RGS7: variants seen among roughly 807,000 people sequenced by gnomAD.
The protein encoded by RGS7 is regulator of G protein signaling 7.
RGS7 carries 27 observed loss-of-function variants against 81.1 expected under a neutral mutation model. That is an observed-to-expected ratio of 0.33 (90% CI 0.25 to 0.46). The LOEUF is 0.46. RGS7 is among the 20% of genes least tolerant of loss of function. The pLI, the probability that RGS7 is intolerant of heterozygous loss-of-function variation, is 1.00. For missense variants in RGS7, 396 were observed against 607.4 expected, an observed-to-expected ratio of 0.65 and a Z score of 3.66; for synonymous variants, 208 against 207.7, an observed-to-expected ratio of 1.00 and a Z score of -0.01.
In RGS7 at chr1:240,862,204, G is replaced by A. The variant is rs116840233; in HGVS notation, c.609+6383C>T. 2.2e-3 allele frequency among the ~76,000 whole-genome samples: 330 copies of A among 152,066 alleles called. 1 individual carries two copies. Among genetic ancestry groups the A allele is most frequent in the African/African-American group, 7.5e-3 (312 of 41,482 alleles). ...CTTAGGAGGCTAACTTTATTTTATA[G>A]AGATATTAAGTACTAGAATGATTAT... On this transcript the variant is annotated intron_variant, in intron 9 of 18. Coordinates refer to ENST00000440928, the MANE Select transcript of RGS7 (RefSeq NM_001364886.1).
At chr1:241,280,311 G>C (rs2078430562) in intron 2 of RGS7, among the ~76,000 whole-genome samples, 2 of 152,128 alleles carry the variant, frequency 1.3e-5, no homozygotes, top group Non-Finnish European at 2.9e-5. Flanking sequence ...GGCCAGAAGA[G>C]GGGAATGGAA....
intron 9 of RGS7, among the ~76,000 whole-genome samples, chr1:240,847,478 T>G (rs785978): frequency 6.6e-6 from 1 of 151,606 alleles, no homozygotes; most frequent in East Asian, 1.9e-4. Context: ...CATAGCTGTG[T>G]GAGTTATCTT....
At position 241,020,231 on chromosome 1, in the gene RGS7, C is replaced by T. The variant is rs184183181; in HGVS notation, c.176-37102G>A. ...TCAGTGCTATTTGTCTAATAAAACA[C>T]GCATGTATTCATTTCCTAGGGCTGT... On this transcript the variant is annotated intron_variant, in intron 3 of 18. Coordinates refer to ENST00000440928, the MANE Select transcript of RGS7 (RefSeq NM_001364886.1). 4.5e-4 allele frequency among the ~76,000 whole-genome samples: 69 copies of T among 152,246 alleles called. 1 individual carries two copies. In the Middle Eastern group the frequency reaches 0.01, roughly 23 times the overall value.
chr1:241,117,552 C>T (rs887786632), intron 2 of RGS7, among the ~76,000 whole-genome samples: 2 of 152,102 alleles, frequency 1.3e-5, no homozygotes, highest in African/African-American at 4.8e-5. Context: ...GTGCTTTGAA[C>T]ACTGAGTGCA....
intron 3 of RGS7, among the ~76,000 whole-genome samples, chr1:241,081,484 C>T (rs1366647475): frequency 6.6e-6 from 1 of 152,200 alleles, no homozygotes; most frequent in East Asian, 1.9e-4. Flanking sequence ...ATGGAGAGGC[C>T]TATTTGGGGT....
At chr1:241,068,236 G>GTGTGTGTA (rs1553407884) in intron 3 of RGS7, among the ~76,000 whole-genome samples, 1 of 8,674 alleles carries the variant, frequency 1.2e-4, no homozygotes, top group African/African-American at 2.2e-4. Context: ...GTGTGTGTGT[G>GTGTGTGTA]TGTATATATA....
At chr1:241,135,744 C>T (rs2067461807) in intron 2 of RGS7, among the ~76,000 whole-genome samples, 1 of 152,120 alleles carries the variant, frequency 6.6e-6, no homozygotes, top group Admixed American at 6.5e-5. Flanking sequence ...TGGCCGGCCT[C>T]GTGTCTATTA....
chr1:241,267,858 A>T (rs936622556), intron 2 of RGS7, among the ~76,000 whole-genome samples: 8 of 152,278 alleles, frequency 5.3e-5, no homozygotes, highest in East Asian at 1.9e-4. Flanking sequence ...TTTTTGAAGC[A>T]TTCTTTTTTT....
chr1:240,949,287 T>G (rs1679159733), intron 4 of RGS7, among the ~76,000 whole-genome samples: 1 of 152,168 alleles, frequency 6.6e-6, no homozygotes, highest in Non-Finnish European at 1.5e-5. Context: ...AATTCTTTGC[T>G]CCATTATTTA....
intron 6 of RGS7, among the ~76,000 whole-genome samples, chr1:240,886,496 A>G (rs770931840): frequency 6.6e-6 from 1 of 152,222 alleles, no homozygotes; most frequent in East Asian, 1.9e-4. Flanking sequence ...GTCTATAAAA[A>G]TGTAAACCCC....
chr1:241,282,156 CT>C (rs2078550640), intron 2 of RGS7, among the ~76,000 whole-genome samples: 1 of 152,184 alleles, frequency 6.6e-6, no homozygotes. Context: ...TCCTCCTCCC[CT>C]AGGAGTCCCC....
intron 2 of RGS7, among the ~76,000 whole-genome samples, chr1:241,306,119 ATC>A (rs2080098852): frequency 8.8e-6 from 1 of 114,172 alleles, no homozygotes; most frequent in South Asian, 3.1e-4. Context: ...TCTTTCTCTC[ATC>A]TCTTTTTCAC....
chr1:241,220,001 C>T (rs2074800005), intron 2 of RGS7, among the ~76,000 whole-genome samples: 1 of 152,108 alleles, frequency 6.6e-6, no homozygotes, highest in African/African-American at 2.4e-5. Flanking sequence ...GTTTCTGTTG[C>T]ACATGATACC....
intron 6 of RGS7, among the ~76,000 whole-genome samples, chr1:240,881,431 A>G (rs1238162437): frequency 6.6e-6 from 1 of 152,188 alleles, no homozygotes. Flanking sequence ...GCAAACCAAC[A>G]TGGCACATGT....
intron 2 of RGS7, among the ~76,000 whole-genome samples, chr1:241,230,555 T>A (rs1047090444): frequency 7.9e-5 from 12 of 152,232 alleles, no homozygotes; most frequent in African/African-American, 2.9e-4. Context: ...TTGCTGGGTA[T>A]GCCATGGGGC....
At chr1:241,121,795 G>A (rs370810529) in intron 2 of RGS7, among the ~76,000 whole-genome samples, 32 of 127,330 alleles carry the variant, frequency 2.5e-4, no homozygotes, top group African/African-American at 9.3e-4. Context: ...ATGGCTTACT[G>A]CAGCCTCAAC....
intron 2 of RGS7, among the ~76,000 whole-genome samples, chr1:241,269,070 A>G (rs1489616676): frequency 6.6e-6 from 1 of 152,256 alleles, no homozygotes; most frequent in East Asian, 1.9e-4. Flanking sequence ...CTGATTAATT[A>G]TACAGAGTGA....
chr1:240,836,733 T>C (rs923002288), intron 9 of RGS7, among the ~76,000 whole-genome samples: 8 of 152,240 alleles, frequency 5.3e-5, no homozygotes, highest in African/African-American at 1.9e-4. Flanking sequence ...CATTTGCCCT[T>C]GGCCTGTCCT....
rs549441012 is a variant in RGS7, at chr1:240,969,374, G to A, written c.226+13705C>T. Among the ~76,000 whole-genome samples the A allele has an allele frequency of 4.1e-4, 63 of 152,284 alleles. 2 individuals are homozygous for A. The South Asian group carries it at 7.5e-3, about 18-fold the overall frequency. The stretch of plus-strand genomic sequence containing the variant: ...CAATGCCACAGGACAATTGTGCATC[G>A]TCCATTTGGTCTGTGTAGCCATGTT... On this transcript the variant is annotated intron_variant, in intron 4 of 18. Transcript: ENST00000440928.
Sources: allele counts gnomAD v4.1 joint callset (sites outside exome capture counted in the v4.1 genomes callset), GRCh38; gene constraint gnomAD v4.1.1; transcripts MANE v1.5; gene names NCBI Gene and HGNC (gene_info 2026-07-23, HGNC 2026-07-21).